CDH4: variants seen among roughly 807,000 people sequenced by gnomAD.
CDH4 encodes the protein cadherin 4, also known as cadherin-4.
In CDH4, 33 loss-of-function variants were observed where a neutral mutation model predicts 86.0. That is an observed-to-expected ratio of 0.38 (90% confidence interval 0.29 to 0.51). CDH4 has a LOEUF of 0.51. Ranked by LOEUF, CDH4 falls within the 20% of genes least tolerant of loss-of-function variation. CDH4 has a pLI of 0.86. For missense variants in CDH4, 1,114 were observed against 1,307.4 expected (o/e 0.85, Z 2.28); for synonymous variants, 555 against 549.4 (o/e 1.01, Z -0.14).
At chr20:61,679,984 C>T (rs190687243) in intron 2 of CDH4, among the ~76,000 whole-genome samples, 44 of 152,288 alleles carry the variant, frequency 2.9e-4, no homozygotes, top group East Asian at 9.7e-4. Context: ...CCCTCGTACC[C>T]GAGTGAAGCT....
At chr20:61,860,133 G>T (rs1024511319) in intron 6 of CDH4, among the ~76,000 whole-genome samples, 11 of 152,260 alleles carry the variant, frequency 7.2e-5, no homozygotes, top group African/African-American at 2.7e-4. Context: ...ATCTGCAGCT[G>T]TAACTCCTTC....
intron 2 of CDH4, among the ~76,000 whole-genome samples, chr20:61,432,787 C>T (rs1440825421): frequency 6.6e-6 from 1 of 151,090 alleles, no homozygotes; most frequent in Non-Finnish European, 1.5e-5. Flanking sequence ...ATGTTTTCTC[C>T]TATGTTTTCT....
chr20:61,573,111 C>G (rs1183617570), intron 2 of CDH4, among the ~76,000 whole-genome samples: 2 of 152,026 alleles, frequency 1.3e-5, no homozygotes, highest in Admixed American at 6.5e-5. Context: ...GATGGGGTGG[C>G]ATGTGGGTTT....
intron 2 of CDH4, among the ~76,000 whole-genome samples, chr20:61,478,192 G>GC (rs2085549838): frequency 2.0e-5 from 3 of 152,118 alleles, no homozygotes; most frequent in East Asian, 3.9e-4. Flanking sequence ...TGCCCTGCTG[G>GC]CCCGTGAGCG....
At chr20:61,841,593 C>T (rs1027304168) in intron 4 of CDH4, among the ~76,000 whole-genome samples, 4 of 152,178 alleles carry the variant, frequency 2.6e-5, no homozygotes, top group Admixed American at 2.6e-4. Flanking sequence ...CCCAGACCCG[C>T]CCTTCCCTAG....
rs1379636869 is a variant in CDH4, at chr20:61,933,026, A to T, written c.2281A>T (p.Lys761Ter). 6.2e-7 allele frequency: 1 copy of T among 1,613,158 alleles called. No individual in the cohort carries two copies. Among genetic ancestry groups the T allele is most frequent in the Admixed American group, 1.7e-5 (1 of 60,004 alleles). Residue 761 changes from lysine (K) to a stop codon, truncating the protein, a stop_gained, in exon 14 of 16, where the codon AAG becomes TAG. Transcript: ENST00000614565. LOFTEE classifies it high-confidence loss of function. The part of the protein sequence containing the change: ...LFVMWMKRRE[K>*]ERHTKQLLID... ...TGTCATGTGGATGAAGCGGCGAGAG[A>T]AGGAGCGCCACACGAAGCAGCTGCT... is the stretch of plus-strand genomic sequence containing the variant.
intron 2 of CDH4, among the ~76,000 whole-genome samples, chr20:61,672,303 G>A (rs1434820976): frequency 6.6e-6 from 1 of 152,138 alleles, no homozygotes; most frequent in East Asian, 1.9e-4. Flanking sequence ...GGATGGGTGT[G>A]TGGATGGACA....
intron 2 of CDH4, among the ~76,000 whole-genome samples, chr20:61,674,538 C>T (rs1254176734): frequency 6.6e-6 from 1 of 152,188 alleles, no homozygotes; most frequent in Non-Finnish European, 1.5e-5. Context: ...CACTTGGGGC[C>T]ACCTCCACCA....
At chr20:61,726,457 G>A (rs2088112363) in intron 2 of CDH4, among the ~76,000 whole-genome samples, 1 of 152,160 alleles carries the variant, frequency 6.6e-6, no homozygotes, top group Admixed American at 6.5e-5. Flanking sequence ...TGTAAAATGG[G>A]GTGATAGTAG....
intron 3 of CDH4, among the ~76,000 whole-genome samples, chr20:61,766,898 C>G (rs1014352736): frequency 2.0e-5 from 3 of 152,228 alleles, no homozygotes; most frequent in African/African-American, 7.2e-5. Flanking sequence ...TTGTGTGCGA[C>G]TTGGTGCCAG....
At chr20:61,739,314 C>A (rs908455722) in intron 2 of CDH4, among the ~76,000 whole-genome samples, 16 of 152,164 alleles carry the variant, frequency 1.1e-4, no homozygotes, top group Admixed American at 4.6e-4. Flanking sequence ...CTGATGGGAG[C>A]CCCGGACCAG....
chr20:61,582,080 C>A lies in CDH4; in HGVS notation c.170-161483C>A, dbSNP rs781171298. Among the ~76,000 whole-genome samples, 3 of 152,208 alleles carry A rather than the reference C, an allele frequency of 2.0e-5. No individual in the cohort carries two copies. Among genetic ancestry groups the A allele is most frequent in the Non-Finnish European group, 4.4e-5 (3 of 68,036 alleles). Reference sequence around the variant, plus strand: ...CCCTCCAGCCTGGCTGCGGGTGATCCACTCCCTGTTTTACTTTGCTCGTGG... The same window carrying A: ...CCCTCCAGCCTGGCTGCGGGTGATCAACTCCCTGTTTTACTTTGCTCGTGG... On this transcript the variant is annotated intron_variant, in intron 2 of 15. Transcript: ENST00000614565. The surrounding 1 kb of genome is among the most constrained non-coding windows in gnomAD (Gnocchi z 4.2).
In CDH4 at chr20:61,783,732, A is replaced by G. The variant is rs1390121180; in HGVS notation, c.576+10550A>G. Reference sequence around the variant, plus strand: ...TTGGGACAGTTCTCCGGGCCCTCAGATGTCCTGTGCCCCCGGGAGAAATGT... The same window carrying G: ...TTGGGACAGTTCTCCGGGCCCTCAGGTGTCCTGTGCCCCCGGGAGAAATGT... On this transcript the variant is annotated intron_variant, in intron 4 of 15. Transcript: ENST00000614565. 1.6e-5 allele frequency among the ~76,000 whole-genome samples: 2 copies of G among 124,060 alleles called. 1 individual carries two copies. Among genetic ancestry groups the G allele is most frequent in the Non-Finnish European group, 3.4e-5 (2 of 58,848 alleles). The allele number at this position is 124,060 out of a possible 152,430, so 81.4% of individuals were successfully genotyped here.
intron 4 of CDH4, among the ~76,000 whole-genome samples, chr20:61,831,001 G>A (rs1164907220): frequency 6.6e-6 from 1 of 152,190 alleles, no homozygotes; most frequent in Non-Finnish European, 1.5e-5. Context: ...CTCGAGGGCA[G>A]GGAAAGGGAA....
chr20:61,436,385 C>A (rs1285376919), intron 2 of CDH4: 1 of 152,252 alleles, frequency 6.6e-6, no homozygotes, highest in Non-Finnish European at 1.5e-5. Context: ...AGATGCAAGC[C>A]ACAAGTCCCG....
In CDH4 at chr20:61,392,942, C is replaced by T. The variant is rs373600025; in HGVS notation, c.169+138005C>T. ...GGGAAGGAGGTGCAGATACTCACCC[C>T]GATACCCACCAAGGGCAGCCGAGCC... On this transcript the variant is annotated intron_variant, in intron 2 of 15. Coordinates refer to ENST00000614565, the MANE Select transcript of CDH4 (RefSeq NM_001794.5). This position sits in a 1 kb window ranked among gnomAD's most constrained non-coding sequence, Gnocchi z 5.7. Among the ~76,000 whole-genome samples the T allele has an allele frequency of 1.9e-3, 295 of 152,188 alleles. 1 individual carries two copies. The highest frequency in any genetic ancestry group is 6.8e-3 in the Middle Eastern group (2 of 292).
At chr20:61,796,703 G>T (rs568657508) in intron 4 of CDH4, among the ~76,000 whole-genome samples, 1 of 152,196 alleles carries the variant, frequency 6.6e-6, no homozygotes, top group Non-Finnish European at 1.5e-5. Flanking sequence ...GCTCCATGGT[G>T]TGGAAGCCGC....
chr20:61,733,115 G>A (rs2088214931), intron 2 of CDH4, among the ~76,000 whole-genome samples: 1 of 152,040 alleles, frequency 6.6e-6, no homozygotes, highest in African/African-American at 2.4e-5. Flanking sequence ...AGGTGGGGAG[G>A]TCAGGGGAGG....
intron 2 of CDH4, among the ~76,000 whole-genome samples, chr20:61,628,902 G>A (rs547557463): frequency 6.6e-5 from 10 of 152,378 alleles, no homozygotes; most frequent in African/African-American, 2.4e-4. Context: ...CTTTAGGGTA[G>A]GATGGTGTCT....
Sources: gnomAD v4.1 joint callset for allele counts (sites outside exome capture counted in the v4.1 genomes callset) on GRCh38, gnomAD v4.1.1 for gene constraint, Gnocchi (gnomAD v3.1) non-coding constraint, MANE v1.5 for transcripts, NCBI Gene and HGNC (gene_info 2026-07-23, HGNC 2026-07-21) for gene names.